ACKR4: variants seen among roughly 807,000 people sequenced by gnomAD.
ACKR4 encodes the protein atypical chemokine receptor 4, also known as C-C CKR-11.
A neutral mutation model predicts 8.5 loss-of-function variants in ACKR4; 2 were observed. The observed-to-expected ratio is 0.23, with a 90% CI of 0.10 to 0.74. The LOEUF is 0.74. Ranked by LOEUF, ACKR4 falls within the 30% of genes least tolerant of loss-of-function variation. The pLI is 0.75. For missense variants in ACKR4, 167 were observed against 422.1 expected (o/e 0.40, Z 5.30); for synonymous variants, 67 against 145.0 (o/e 0.46, Z 3.86).
Position 132,600,859 on chromosome 3 carries a change from C to A in ACKR4, c.462C>A (p.Cys154Ter), listed in dbSNP as rs1938551822. 1 of 1,613,846 alleles carries A rather than the reference C, an allele frequency of 6.2e-7. No individual in the cohort carries two copies. The highest frequency in any genetic ancestry group is 8.5e-7 in the Non-Finnish European group (1 of 1,179,870). The change falls in exon 2 of 2, where the codon TGC becomes TGA. Residue 154 changes from cysteine to a stop codon, truncating the protein, a stop_gained. Coordinates refer to ENST00000249887, the MANE Select transcript of ACKR4 (RefSeq NM_016557.4). LOFTEE classifies it low-confidence loss of function (END_TRUNC). ...GCCAATCAGGAGTGGGAAAACCATG[C>A]TGGATCATCTGTTTCTGTGTCTGGA... ...VPSQSGVGKP[C>*]WIICFCVWMA... is the part of the protein sequence containing the mutation.
rs375902644 is a variant in ACKR4, at chr3:132,601,017, T to C, written c.620T>C (p.Ile207Thr). ...KALIQMLEIC[I>T]GFVVPFLIMG... ...TTGATTCAAATGCTAGAGATCTGCATTGGATTTGTAGTACCCTTTCTTATT... is the reference window on the plus strand; with the variant it reads ...TTGATTCAAATGCTAGAGATCTGCACTGGATTTGTAGTACCCTTTCTTATT... The change falls in exon 2 of 2, where the codon ATT becomes ACT. Residue 207 changes from isoleucine (I) to threonine (T), a missense_variant. By Grantham distance (89) the Ile-to-Thr change is moderately conservative (BLOSUM62 -1). This residue lies in a region of ACKR4 where 149 missense variants were observed against 281.9 expected (regional missense o/e 0.53). Transcript: ENST00000249887. The C allele has an allele frequency of 2.5e-5, 41 of 1,613,824 alleles. No individual in the cohort carries two copies. The African/African-American group carries it at 4.0e-4, about 16-fold the overall frequency.
At chr3:132,598,400 C>T (rs1250238959) in intron 1 of ACKR4, among the ~76,000 whole-genome samples, 1 of 152,196 alleles carries the variant, frequency 6.6e-6, no homozygotes, top group Non-Finnish European at 1.5e-5. Flanking sequence ...TTGGCAAAAG[C>T]TTTAATTTGA....
intron 1 of ACKR4, among the ~76,000 whole-genome samples, chr3:132,599,176 C>T (rs1338375732): frequency 1.3e-5 from 2 of 151,840 alleles, no homozygotes; most frequent in Non-Finnish European, 2.9e-5. Context: ...TATACAGACT[C>T]ATAACCTGGT....
intron 1 of ACKR4, among the ~76,000 whole-genome samples, chr3:132,598,166 G>C (rs7626622): frequency 0.37 from 56,813 of 151,882 alleles, 13,288 homozygotes; most frequent in East Asian, 0.7. Flanking sequence ...AGGACAAAAA[G>C]AACCCAAGGA....
intron 1 of ACKR4, among the ~76,000 whole-genome samples, chr3:132,599,800 T>A (rs1271064392): frequency 1.3e-5 from 2 of 152,054 alleles, no homozygotes; most frequent in African/African-American, 4.8e-5. Flanking sequence ...TGGAGGGAAG[T>A]TGGCTAAAGG....
intron 1 of ACKR4, among the ~76,000 whole-genome samples, chr3:132,598,808 T>C (rs760258570): frequency 2.0e-5 from 3 of 152,196 alleles, no homozygotes; most frequent in Non-Finnish European, 2.9e-5. Flanking sequence ...GCAGGAGCCA[T>C]GGATGGCACC....
At chr3:132,599,187 C>T (rs1938455542) in intron 1 of ACKR4, among the ~76,000 whole-genome samples, 1 of 151,460 alleles carries the variant, frequency 6.6e-6, no homozygotes, top group South Asian at 2.1e-4. Flanking sequence ...ATAACCTGGT[C>T]AATAAATAAA....
Position 132,600,582 on chromosome 3 carries a change from T to C in ACKR4, c.185T>C (p.Val62Ala), listed in dbSNP as rs375285193. 6 of 1,613,970 alleles carry C rather than the reference T, an allele frequency of 3.7e-6. No individual in the cohort carries two copies. The highest frequency in any genetic ancestry group is 3.3e-5 in the Admixed American group (2 of 60,024). ...ATTGGACTTGCAGGCAATTCCATGG[T>C]AGTGGCAATTTATGCCTATTACAAG... ...FVIGLAGNSM[V>A]VAIYAYYKKQ... is the part of the protein sequence containing the mutation. The change falls in exon 2 of 2, where the codon GTA (valine) becomes GCA (alanine). Residue 62 changes from valine (V) to alanine (A), a missense_variant. This residue lies in a region of ACKR4 where 149 missense variants were observed against 281.9 expected (regional missense o/e 0.53). Coordinates refer to ENST00000249887, the MANE Select transcript of ACKR4 (RefSeq NM_016557.4).
intron 1 of ACKR4, among the ~76,000 whole-genome samples, chr3:132,599,115 C>A (rs1381901817): frequency 1.3e-5 from 2 of 152,036 alleles, no homozygotes; most frequent in Non-Finnish European, 2.9e-5. Flanking sequence ...GAGTTTGAGA[C>A]CAGCCTTGGC....
rs1938653100 is a variant in ACKR4, at chr3:132,602,450, T to C, written c.*1000T>C. Among the ~76,000 whole-genome samples, 1 of 152,176 alleles carries C rather than the reference T, an allele frequency of 6.6e-6. No homozygotes were observed. Among genetic ancestry groups the C allele is most frequent in the Non-Finnish European group, 1.5e-5 (1 of 68,014 alleles). On this transcript the variant is annotated 3_prime_UTR_variant, in exon 2 of 2. Transcript: ENST00000249887. ...ACTGCCGATTGACTAAAAAATACAT[T>C]ATCCCATGCATAAAATGTCCTATTT... is the stretch of plus-strand genomic sequence containing the variant.
At chr3:132,598,298 G>A (rs1938405439) in intron 1 of ACKR4, among the ~76,000 whole-genome samples, 1 of 152,122 alleles carries the variant, frequency 6.6e-6, no homozygotes, top group South Asian at 2.1e-4. Flanking sequence ...ATACTACGGG[G>A]TGCTAGTAGC....
Position 132,597,311 on chromosome 3 carries a change from C to A in ACKR4, c.-22C>A, listed in dbSNP as rs1157001922. On this transcript the variant is annotated 5_prime_UTR_variant, in exon 1 of 2. Transcript: ENST00000249887. ...CTGTACTCAAGACTGCTCCTCTCTG[C>A]CGACTACAACAGGTTGGTACTTTAT... 1 of 152,048 alleles carries A rather than the reference C, an allele frequency of 6.6e-6. No homozygotes were observed. The highest frequency in any genetic ancestry group is 6.6e-5 in the Admixed American group (1 of 15,250). The allele number at this position is 152,048 out of a possible 1,614,324, so 9.4% of individuals were successfully genotyped here.
At chr3:132,598,753 A>C (rs1194535627) in intron 1 of ACKR4, among the ~76,000 whole-genome samples, 2 of 152,224 alleles carry the variant, frequency 1.3e-5, no homozygotes, top group Non-Finnish European at 2.9e-5. Flanking sequence ...CTGAGAAATT[A>C]GTCCTATCAC....
At position 132,602,553 on chromosome 3, in the gene ACKR4, C is replaced by G. The variant is rs1317129129; in HGVS notation, c.*1103C>G. ...TTGTTAATTAACATGTACAGCTTAT[C>G]TTTTTTAAAAAAATTTGCTGTAAAT... On this transcript the variant is annotated 3_prime_UTR_variant, in exon 2 of 2. Coordinates refer to ENST00000249887, the MANE Select transcript of ACKR4 (RefSeq NM_016557.4). Among the ~76,000 whole-genome samples, 1 of 152,032 alleles carries G rather than the reference C, an allele frequency of 6.6e-6. No homozygotes were observed. Among genetic ancestry groups the G allele is most frequent in the Non-Finnish European group, 1.5e-5 (1 of 67,976 alleles).
chr3:132,598,885 G>A (rs900537024), intron 1 of ACKR4, among the ~76,000 whole-genome samples: 1 of 152,190 alleles, frequency 6.6e-6, no homozygotes, highest in African/African-American at 2.4e-5. Context: ...GTGAAGAGAT[G>A]TGTCTTCCAG....
intron 1 of ACKR4, among the ~76,000 whole-genome samples, chr3:132,599,569 A>C (rs957198428): frequency 1.3e-5 from 2 of 152,160 alleles, no homozygotes; most frequent in Non-Finnish European, 2.9e-5. Context: ...GGTGAGAAAC[A>C]TAATAGCTGA....
rs561317018 is a variant in ACKR4 at position 132,602,046 on chromosome 3, A to G, written c.*596A>G. On this transcript the variant is annotated 3_prime_UTR_variant, in exon 2 of 2. Transcript: ENST00000249887. The stretch of plus-strand genomic sequence containing the variant: ...TTAAAAGGCATTTATAATTATTTTT[A>G]ATTATCTAAGTTTTAATACAAGAAC... 1 of 167,006 alleles carries G rather than the reference A, an allele frequency of 6.0e-6. No individual in the cohort carries two copies. The highest frequency in any genetic ancestry group is 2.4e-5 in the African/African-American group (1 of 41,498). 10.3% of individuals were successfully genotyped at this position (167,006 alleles called of 1,614,324 possible). A position where few individuals can be genotyped will look rare whatever the true frequency, so the allele number is the denominator to read the frequency against.
intron 1 of ACKR4, among the ~76,000 whole-genome samples, chr3:132,598,826 G>A (rs538826757): frequency 6.6e-6 from 1 of 152,354 alleles, no homozygotes; most frequent in Non-Finnish European, 1.5e-5. Context: ...ACCACATTAT[G>A]AAGGGAGCCT....
At position 132,601,364 on chromosome 3, in the gene ACKR4, T is replaced by G; in HGVS notation, c.967T>G (p.Ser323Ala). The G allele has an allele frequency of 6.2e-7, 1 of 1,608,696 alleles. No individual in the cohort carries two copies. Among genetic ancestry groups the G allele is most frequent in the South Asian group, 1.1e-5 (1 of 90,770 alleles). The change falls in exon 2 of 2, where the codon TCC (serine) becomes GCC (alanine). Residue 323 changes from serine (S) to alanine (A), a missense_variant. Physicochemically the swap from Ser to Ala is moderately conservative, Grantham distance 99 (BLOSUM62 1). This residue lies in a region of ACKR4 where 18 missense variants were observed against 140.2 expected (regional missense o/e 0.13). Transcript: ENST00000249887. ...YVMKVAKKYG[S>A]WRRQRQSVEE... is the part of the protein sequence containing the mutation. ...TATGAAAGTGGCCAAGAAATATGGG[T>G]CCTGGAGAAGACAGAGACAAAGTGT...
Sources: gnomAD v4.1 joint callset for allele counts (sites outside exome capture counted in the v4.1 genomes callset) on GRCh38, gnomAD v4.1.1 for gene constraint, gnomAD v4.1.1 regional missense constraint, MANE v1.5 for transcripts, NCBI Gene and HGNC (gene_info 2026-07-23, HGNC 2026-07-21) for gene names.